The following RGS7 variants were observed in gnomAD, a reference collection of about 807,000 sequenced individuals.
RGS7 encodes the protein regulator of G-protein signaling 7.
A neutral mutation model predicts 81.1 loss-of-function variants in RGS7; 27 were observed. The ratio of observed to expected loss-of-function variants is 0.33; its 90% CI spans 0.25 to 0.46. RGS7 has a LOEUF of 0.46. RGS7 is among the 20% of genes least tolerant of loss of function. RGS7 has a pLI of 1.00. For missense variants in RGS7, 396 were observed against 607.4 expected (o/e 0.65, Z 3.66); for synonymous variants, 208 against 207.7 (o/e 1.00, Z -0.01).
At chr1:241,301,142 AT>A (rs1318679342) in intron 2 of RGS7, among the ~76,000 whole-genome samples, 1 of 152,190 alleles carries the variant, frequency 6.6e-6, no homozygotes, top group Non-Finnish European at 1.5e-5. Flanking sequence ...GTTAGTTGTG[AT>A]TTGATTTAAT....
chr1:241,132,068 G>A (rs1285910130), intron 2 of RGS7, among the ~76,000 whole-genome samples: 1 of 152,122 alleles, frequency 6.6e-6, no homozygotes, highest in East Asian at 1.9e-4. Context: ...GCAAAGGACC[G>A]CCAGGCTCCA....
chr1:241,046,053 T>G (rs7545019), intron 3 of RGS7, among the ~76,000 whole-genome samples: 1,908 of 152,262 alleles, frequency 0.013, 36 homozygotes, highest in African/African-American at 0.043. Context: ...GTGAGATCCT[T>G]GTGGTTTATG....
downstream of RGS7, among the ~76,000 whole-genome samples, chr1:240,775,047 A>G (rs1476063018): frequency 1.3e-5 from 2 of 152,164 alleles, no homozygotes; most frequent in African/African-American, 4.8e-5. Context: ...CCAGGAACCA[A>G]TTATTTCCCA....
intron 5 of RGS7, among the ~76,000 whole-genome samples, chr1:240,931,478 G>A (rs749722389): frequency 1.3e-5 from 2 of 151,972 alleles, no homozygotes; most frequent in Non-Finnish European, 2.9e-5. Flanking sequence ...AGGGAATGGA[G>A]ATCCCATTCT....
chr1:240,809,049 G>A (rs936341893), intron 14 of RGS7, among the ~76,000 whole-genome samples: 4 of 152,012 alleles, frequency 2.6e-5, no homozygotes, highest in African/African-American at 4.8e-5. Context: ...AATTAATTCC[G>A]TTAATGTATA....
rs114047533 is a variant in RGS7, at chr1:241,063,497, G to A, written c.175+35169C>T. ...CCGCTCAGCATGTGAATCCCAAGAG[G>A]CAGGTGATTTAGTCAATAGGCCCCA... is the stretch of plus-strand genomic sequence containing the variant. On this transcript the variant is annotated intron_variant, in intron 3 of 18. Coordinates refer to ENST00000440928, the MANE Select transcript of RGS7 (RefSeq NM_001364886.1). Among the ~76,000 whole-genome samples, 1,030 of 152,296 alleles carry A rather than the reference G, an allele frequency of 6.8e-3. 15 individuals carry two copies. The highest frequency in any genetic ancestry group is 0.024 in the African/African-American group (994 of 41,560).
chr1:241,070,324 GA>G (rs375392335), intron 3 of RGS7, among the ~76,000 whole-genome samples: 55 of 138,650 alleles, frequency 4.0e-4, no homozygotes, highest in African/African-American at 1.1e-3. Flanking sequence ...AGGAGAAATG[GA>G]AAAAAAAAAA....
At chr1:241,340,147 TA>T (rs1172728347) in intron 2 of RGS7, among the ~76,000 whole-genome samples, 1 of 152,196 alleles carries the variant, frequency 6.6e-6, no homozygotes, top group Non-Finnish European at 1.5e-5. Flanking sequence ...TGATCTATAC[TA>T]AAACTTAATA....
At chr1:240,938,814 T>C (rs1195669590) in intron 4 of RGS7, among the ~76,000 whole-genome samples, 1 of 148,620 alleles carries the variant, frequency 6.7e-6, no homozygotes, top group African/African-American at 2.6e-5. Context: ...TTTTCATCAA[T>C]TTTGTGCGTG....
At chr1:241,231,205 T>A (rs1369829749) in intron 2 of RGS7, among the ~76,000 whole-genome samples, 1 of 152,212 alleles carries the variant, frequency 6.6e-6, no homozygotes, top group East Asian at 1.9e-4. Flanking sequence ...TCCTTGAAGC[T>A]AGCTGGGGAG....
intron 2 of RGS7, among the ~76,000 whole-genome samples, chr1:241,338,810 T>C (rs529150339): frequency 1.3e-5 from 2 of 152,012 alleles, no homozygotes; most frequent in African/African-American, 4.8e-5. Context: ...CTTGAGACTG[T>C]ACAGTACTCT....
chr1:241,140,497 G>A (rs181220410), intron 2 of RGS7, among the ~76,000 whole-genome samples: 1 of 152,288 alleles, frequency 6.6e-6, no homozygotes, highest in Non-Finnish European at 1.5e-5. Context: ...TCGAACTCCT[G>A]GACTCAAGTG....
At chr1:241,132,319 C>T (rs2103043870) in intron 2 of RGS7, 1 of 154,724 alleles carries the variant, frequency 6.5e-6, no homozygotes, top group African/African-American at 2.4e-5. Context: ...AGAGTGGAGC[C>T]CAGAGAATTG....
intron 3 of RGS7, chr1:240,998,397 CT>C (rs113072425): frequency 0.14 from 63,545 of 438,900 alleles, 683 homozygotes; most frequent in East Asian, 0.16. Flanking sequence ...TCTTCAAGTA[CT>C]TTTTTTTTTT....
rs182951990 is a variant in RGS7, at chr1:240,917,908, T to C, written c.385+12809A>G. Among the ~76,000 whole-genome samples, 9 of 152,216 alleles carry C rather than the reference T, an allele frequency of 5.9e-5. No homozygotes were observed. The East Asian group carries it at 1.7e-3, about 29-fold the overall frequency. On this transcript the variant is annotated intron_variant, in intron 6 of 18. Coordinates refer to ENST00000440928, the MANE Select transcript of RGS7 (RefSeq NM_001364886.1). Reference sequence around the variant, plus strand: ...AAGACACAGATTAAAAGTTAAAGGATGAGGAAAGATATGCCATGCTAAAAC... The same window carrying C: ...AAGACACAGATTAAAAGTTAAAGGACGAGGAAAGATATGCCATGCTAAAAC...
At chr1:241,161,697 T>C (rs889888097) in intron 2 of RGS7, among the ~76,000 whole-genome samples, 16 of 150,446 alleles carry the variant, frequency 1.1e-4, no homozygotes, top group African/African-American at 3.4e-4. Flanking sequence ...TTACATCTCA[T>C]GTAATCATAA....
chr1:241,105,347 A>C (rs900919777), intron 2 of RGS7, among the ~76,000 whole-genome samples: 2 of 152,338 alleles, frequency 1.3e-5, no homozygotes, highest in East Asian at 1.9e-4. Context: ...TTGAACTTCA[A>C]CACCCTGCTC....
intron 3 of RGS7, among the ~76,000 whole-genome samples, chr1:241,015,644 G>T (rs497743): frequency 0.44 from 67,217 of 151,856 alleles, 15,658 homozygotes; most frequent in African/African-American, 0.6. Flanking sequence ...CCTCAATTTT[G>T]TATTCCAATT....
intron 2 of RGS7, among the ~76,000 whole-genome samples, chr1:241,328,264 C>A (rs939478086): frequency 1.3e-5 from 2 of 152,290 alleles, no homozygotes; most frequent in East Asian, 1.9e-4. Context: ...TGGCTAGTAA[C>A]CTTGTTCCAA....
Sources: allele counts gnomAD v4.1 joint callset (sites outside exome capture counted in the v4.1 genomes callset), GRCh38; gene constraint gnomAD v4.1.1; transcripts MANE v1.5; gene names NCBI Gene and HGNC (gene_info 2026-07-23, HGNC 2026-07-21).